HCRTR2: variants seen among roughly 807,000 people sequenced by gnomAD.
HCRTR2 encodes the protein hypocretin receptor 2.
In HCRTR2, 22 loss-of-function variants were observed where a neutral mutation model predicts 49.0. That is an observed-to-expected ratio of 0.45 (90% CI 0.32 to 0.64). The LOEUF (loss-of-function observed/expected upper bound fraction) is 0.64, where lower values mean the gene tolerates loss of function less well. Ranked by LOEUF, HCRTR2 falls within the 30% of genes least tolerant of loss-of-function variation. The probability of loss-of-function intolerance (pLI) is 0.04; values close to 1 mark genes in which losing one functional copy is unlikely to be tolerated. For missense variants in HCRTR2, 491 were observed against 559.4 expected, an observed-to-expected ratio of 0.88 and a Z score of 1.23; for synonymous variants, 236 against 205.3, an observed-to-expected ratio of 1.15 and a Z score of -1.28.
chr6:55,123,411 T>C (rs1198956673), intron 1 of HCRTR2, among the ~76,000 whole-genome samples: 1 of 152,172 alleles, frequency 6.6e-6, no homozygotes, highest in African/African-American at 2.4e-5. Context: ...TGATTCTGTT[T>C]ATGTGATGGT....
chr6:55,151,597 A>G (rs765161083), intron 1 of HCRTR2, among the ~76,000 whole-genome samples: 2 of 151,950 alleles, frequency 1.3e-5, no homozygotes, highest in Non-Finnish European at 2.9e-5. Flanking sequence ...TTCTCAAAGT[A>G]ATCTATGAGG....
chr6:55,140,252 T>A (rs888147806), intron 1 of HCRTR2, among the ~76,000 whole-genome samples: 2 of 152,218 alleles, frequency 1.3e-5, no homozygotes, highest in East Asian at 3.8e-4. Flanking sequence ...TTTTCCATTA[T>A]ATTGAAAATA....
chr6:55,225,655 T>C (rs1765990329), intron 1 of HCRTR2, among the ~76,000 whole-genome samples: 1 of 152,226 alleles, frequency 6.6e-6, no homozygotes, highest in Non-Finnish European at 1.5e-5. Flanking sequence ...GCTAATGCAG[T>C]GTACTATAAT....
intron 1 of HCRTR2, among the ~76,000 whole-genome samples, chr6:55,139,021 G>A (rs1418537373): frequency 6.6e-6 from 1 of 152,154 alleles, no homozygotes; most frequent in African/African-American, 2.4e-5. Flanking sequence ...AAAATTGGAA[G>A]TGTAAATTGG....
At chr6:55,178,186 G>A (rs1330183771) in intron 1 of HCRTR2, among the ~76,000 whole-genome samples, 4 of 152,024 alleles carry the variant, frequency 2.6e-5, no homozygotes, top group African/African-American at 9.7e-5. Context: ...GACAATTGTA[G>A]GGAGAAATGT....
At chr6:55,231,079 A>C (rs140202665) in intron 1 of HCRTR2, among the ~76,000 whole-genome samples, 404 of 152,280 alleles carry the variant, frequency 2.7e-3, no homozygotes, top group Non-Finnish European at 4.7e-3. Flanking sequence ...AGCACTAGGA[A>C]AGATACACAG....
intron 1 of HCRTR2, among the ~76,000 whole-genome samples, chr6:55,227,860 G>A (rs950050573): frequency 6.6e-6 from 1 of 152,168 alleles, no homozygotes; most frequent in Non-Finnish European, 1.5e-5. Context: ...TCTATGTAAT[G>A]AAGATGCTAG....
chr6:55,248,762 T>C lies in HCRTR2; in HGVS notation c.347T>C (p.Ile116Thr), dbSNP rs1437114457. The change falls in exon 2 of 7, where the codon ATC becomes ACC. Residue 116 changes from isoleucine (I) to threonine (T), a missense_variant. Ile to Thr is a moderately conservative substitution (Grantham distance 89). Coordinates refer to ENST00000370862, the MANE Select transcript of HCRTR2 (RefSeq NM_001384272.1). ...TCLPATLVVD[I>T]TETWFFGQSL... ...CTTCCAGCCACACTGGTCGTGGATA[T>C]CACTGAGACCTGGTTTTTTGGACAG... 3.1e-6 allele frequency: 5 copies of C among 1,613,540 alleles called. No homozygotes were observed. The highest frequency in any genetic ancestry group is 4.2e-6 in the Non-Finnish European group (5 of 1,179,562).
chr6:55,198,552 C>A (rs1765458344), intron 1 of HCRTR2, among the ~76,000 whole-genome samples: 1 of 152,128 alleles, frequency 6.6e-6, no homozygotes, highest in Non-Finnish European at 1.5e-5. Flanking sequence ...ATACTAGCAC[C>A]CACTAGTGTT....
At chr6:55,267,181 C>T (rs150631355) in intron 4 of HCRTR2, among the ~76,000 whole-genome samples, 4 of 152,224 alleles carry the variant, frequency 2.6e-5, no homozygotes, top group African/African-American at 4.8e-5. Context: ...AGGCATTATG[C>T]GTGCCATAGG....
intron 1 of HCRTR2, among the ~76,000 whole-genome samples, chr6:55,187,233 C>T (rs988738931): frequency 5.3e-5 from 8 of 151,528 alleles, no homozygotes; most frequent in African/African-American, 1.7e-4. Context: ...GGTAAAACCC[C>T]ATCTCTACTA....
chr6:55,272,043 CA>C (rs1766983289), intron 4 of HCRTR2, among the ~76,000 whole-genome samples: 1 of 152,008 alleles, frequency 6.6e-6, no homozygotes, highest in Non-Finnish European at 1.5e-5. Flanking sequence ...CATGTTTACA[CA>C]AAAACTTACA....
intron 1 of HCRTR2, among the ~76,000 whole-genome samples, chr6:55,184,355 A>T (rs888099161): frequency 3.9e-5 from 6 of 152,236 alleles, no homozygotes; most frequent in Admixed American, 3.9e-4. Flanking sequence ...CATTTTTATG[A>T]TTAGTTACTG....
At chr6:55,144,269 C>T (rs571705765) in intron 1 of HCRTR2, among the ~76,000 whole-genome samples, 2 of 152,040 alleles carry the variant, frequency 1.3e-5, no homozygotes, top group African/African-American at 2.4e-5. Context: ...TGCGCCACCA[C>T]GTCTGGCTAA....
At chr6:55,207,864 A>T (rs1765629021) in intron 1 of HCRTR2, among the ~76,000 whole-genome samples, 1 of 152,182 alleles carries the variant, frequency 6.6e-6, no homozygotes, top group Admixed American at 6.5e-5. Context: ...CTACTTCTGA[A>T]TGTTAATATA....
At chr6:55,160,124 C>G (rs1234814163) in intron 1 of HCRTR2, among the ~76,000 whole-genome samples, 1 of 152,180 alleles carries the variant, frequency 6.6e-6, no homozygotes, top group Non-Finnish European at 1.5e-5. Context: ...GCCCATCAGA[C>G]TAACAGTGGA....
chr6:55,279,885 G>A (rs1013903079), intron 5 of HCRTR2, among the ~76,000 whole-genome samples: 1 of 151,862 alleles, frequency 6.6e-6, no homozygotes, highest in African/African-American at 2.4e-5. Flanking sequence ...GGAGTTGAAG[G>A]CATATGATAC....
At chr6:55,226,192 C>T (rs888022243) in intron 1 of HCRTR2, among the ~76,000 whole-genome samples, 1 of 152,206 alleles carries the variant, frequency 6.6e-6, no homozygotes, top group African/African-American at 2.4e-5. Context: ...TTCTATTCCC[C>T]TCCCACTTTC....
chr6:55,155,063 T>TA (rs555143536), intron 1 of HCRTR2, among the ~76,000 whole-genome samples: 1 of 151,790 alleles, frequency 6.6e-6, no homozygotes, highest in South Asian at 2.1e-4. Flanking sequence ...AAAATGCTGA[T>TA]AAAAAAATTA....
Sources: allele counts gnomAD v4.1 joint callset (sites outside exome capture counted in the v4.1 genomes callset), GRCh38; gene constraint gnomAD v4.1.1; transcripts MANE v1.5; gene names NCBI Gene and HGNC (gene_info 2026-07-23, HGNC 2026-07-21).